The following CLVS1 variants were observed in gnomAD, a reference collection of about 807,000 sequenced individuals.
CLVS1 encodes the protein clavesin-1.
Under a neutral mutation model 33.1 loss-of-function variants are expected in CLVS1, and 10 were observed. The observed-to-expected ratio is 0.30, with a 90% confidence interval of 0.19 to 0.51. The LOEUF is 0.51. CLVS1 is among the 20% of genes least tolerant of loss of function. CLVS1 has a pLI of 0.97. For synonymous variants in CLVS1, 163 were observed against 166.1 expected (o/e 0.98, Z 0.14); for missense variants, 343 against 433.4 (o/e 0.79, Z 1.85).
intron 2 of CLVS1, among the ~76,000 whole-genome samples, chr8:61,371,577 A>G (rs1813440649): frequency 6.6e-6 from 1 of 152,168 alleles, no homozygotes; most frequent in Non-Finnish European, 1.5e-5. Flanking sequence ...ATATCTTTAC[A>G]TGGTTATCTG....
At chr8:61,083,265 AG>A (rs908473091) in intron 1 of CLVS1, among the ~76,000 whole-genome samples, 1 of 152,152 alleles carries the variant, frequency 6.6e-6, no homozygotes, top group African/African-American at 2.4e-5. Flanking sequence ...TCCTGAATAA[AG>A]GGGTTCCCAC....
chr8:61,228,814 C>T (rs1477741505), intron 2 of CLVS1, among the ~76,000 whole-genome samples: 1 of 152,182 alleles, frequency 6.6e-6, no homozygotes, highest in Non-Finnish European at 1.5e-5. Flanking sequence ...CAGTTTGAGT[C>T]CTTCTCTTGG....
intron 1 of CLVS1, among the ~76,000 whole-genome samples, chr8:61,086,485 G>T (rs1026250422): frequency 7.9e-5 from 12 of 152,078 alleles, no homozygotes; most frequent in African/African-American, 2.9e-4. Flanking sequence ...AATATTCATG[G>T]TTTATCTGAA....
chr8:61,057,679 C>G (rs557342436), intron 1 of CLVS1, among the ~76,000 whole-genome samples: 1 of 151,962 alleles, frequency 6.6e-6, no homozygotes, highest in East Asian at 1.9e-4. Flanking sequence ...TGTGCAGCAA[C>G]CAGGATGATA....
intron 2 of CLVS1, among the ~76,000 whole-genome samples, chr8:61,309,277 C>T (rs10092878): frequency 0.062 from 9,507 of 152,226 alleles, 756 homozygotes; most frequent in East Asian, 0.19. Flanking sequence ...AGGCTTGTTA[C>T]GCTTTAATGG....
At chr8:61,437,255 T>C (rs1022323302) in intron 3 of CLVS1, among the ~76,000 whole-genome samples, 1 of 152,150 alleles carries the variant, frequency 6.6e-6, no homozygotes, top group Non-Finnish European at 1.5e-5. Context: ...GGAAATTGAA[T>C]GGGATGAAAA....
intron 2 of CLVS1, chr8:61,300,520 T>C: frequency 2.4e-6 from 1 of 409,092 alleles, no homozygotes; most frequent in East Asian, 3.8e-5. Context: ...TTCATCAAAG[T>C]GGGTCATTCA....
intron 2 of CLVS1, among the ~76,000 whole-genome samples, chr8:61,153,568 C>T (rs901479496): frequency 6.6e-6 from 1 of 152,096 alleles, no homozygotes; most frequent in African/African-American, 2.4e-5. Context: ...ATAAAATCCT[C>T]CAATAAGAAT....
intron 1 of CLVS1, among the ~76,000 whole-genome samples, chr8:61,079,613 G>A (rs1269623558): frequency 1.3e-5 from 2 of 152,168 alleles, no homozygotes; most frequent in Non-Finnish European, 2.9e-5. Flanking sequence ...GACTTTCAGC[G>A]TGCCCTGCAT....
At chr8:61,401,447 A>C (rs1158628916) in intron 3 of CLVS1, among the ~76,000 whole-genome samples, 1 of 152,110 alleles carries the variant, frequency 6.6e-6, no homozygotes, top group Non-Finnish European at 1.5e-5. Flanking sequence ...GTTTCCTTCT[A>C]TCCCACATTT....
At chr8:61,451,875 C>T (rs1816976578) in intron 3 of CLVS1, among the ~76,000 whole-genome samples, 1 of 151,410 alleles carries the variant, frequency 6.6e-6, no homozygotes, top group Non-Finnish European at 1.5e-5. Context: ...TGGGCTCATT[C>T]AAGAAGACCC....
intron 1 of CLVS1, among the ~76,000 whole-genome samples, chr8:61,124,231 C>T (rs1805931291): frequency 6.6e-6 from 1 of 152,152 alleles, no homozygotes; most frequent in Non-Finnish European, 1.5e-5. Flanking sequence ...AGTTTTAAAA[C>T]CACGAGTCGA....
intron 5 of CLVS1, among the ~76,000 whole-genome samples, chr8:61,480,928 C>A (rs1350481379): frequency 6.6e-6 from 1 of 152,126 alleles, no homozygotes; most frequent in Non-Finnish European, 1.5e-5. Context: ...CACTTCTCAG[C>A]TGCTCTGAAG....
intron 2 of CLVS1, among the ~76,000 whole-genome samples, chr8:61,173,308 A>G (rs1807045414): frequency 6.6e-6 from 1 of 151,944 alleles, no homozygotes; most frequent in South Asian, 2.1e-4. Context: ...TGAATGAATC[A>G]CTCTTTTATT....
intron 1 of CLVS1, among the ~76,000 whole-genome samples, chr8:61,112,179 TAC>T (rs749547863): frequency 0.063 from 5,558 of 88,796 alleles, 129 homozygotes; most frequent in African/African-American, 0.071. Context: ...TTCTCCGTGC[TAC>T]ACACACACAC....
intron 3 of CLVS1, among the ~76,000 whole-genome samples, chr8:61,419,396 C>CAAAAAAAAAAAAAAA (rs10635998): frequency 1.4e-5 from 1 of 70,330 alleles, no homozygotes; most frequent in African/African-American, 4.5e-5. Flanking sequence ...GACTCCGTCT[C>CAAAAAAAAAAAAAAA]AAAAAAAAAA....
intron 5 of CLVS1, among the ~76,000 whole-genome samples, chr8:61,479,923 T>G (rs1275048642): frequency 6.6e-6 from 1 of 152,234 alleles, no homozygotes; most frequent in Admixed American, 6.5e-5. Context: ...CAAATGCTGC[T>G]GCCTGATCAT....
At chr8:61,095,505 A>C (rs889091963) in intron 1 of CLVS1, among the ~76,000 whole-genome samples, 1 of 152,194 alleles carries the variant, frequency 6.6e-6, no homozygotes, top group African/African-American at 2.4e-5. Context: ...TGTCCCATGG[A>C]AACCCAGCTG....
intron 2 of CLVS1, among the ~76,000 whole-genome samples, chr8:61,259,215 G>A (rs1306627421): frequency 6.6e-6 from 1 of 152,236 alleles, no homozygotes; most frequent in African/African-American, 2.4e-5. Context: ...TACTTGGAAA[G>A]TCAAGCTGTT....
Sources: allele counts gnomAD v4.1 joint callset (sites outside exome capture counted in the v4.1 genomes callset), GRCh38; gene constraint gnomAD v4.1.1; transcripts MANE v1.5; gene names NCBI Gene and HGNC (gene_info 2026-07-23, HGNC 2026-07-21).